The following TTC29 variants were observed in gnomAD, a reference collection of about 807,000 sequenced individuals.
TTC29 encodes tetratricopeptide repeat protein 29.
TTC29 carries 49 observed loss-of-function variants against 58.1 expected under a neutral mutation model. That is an observed-to-expected ratio of 0.84 (90% confidence interval 0.67 to 1.07). The LOEUF is 1.07. Among genes scored for constraint, TTC29 ranks in the 50% least tolerant of loss-of-function variants. The pLI is 0.00. For missense variants in TTC29, 582 were observed against 555.6 expected (o/e 1.05, Z -0.48); for synonymous variants, 209 against 196.8 (o/e 1.06, Z -0.52).
chr4:146,769,850 A>C (rs952131359), intron 11 of TTC29, among the ~76,000 whole-genome samples: 5 of 152,202 alleles, frequency 3.3e-5, no homozygotes, highest in Admixed American at 2.0e-4. Context: ...ATAGATGATA[A>C]CTGTAGTTAA....
chr4:146,783,952 A>G (rs1748812686), intron 11 of TTC29, among the ~76,000 whole-genome samples: 1 of 152,052 alleles, frequency 6.6e-6, no homozygotes, highest in South Asian at 2.1e-4. Flanking sequence ...TCTAACTGGA[A>G]ACCTAAGACT....
intron 11 of TTC29, among the ~76,000 whole-genome samples, chr4:146,780,086 T>C (rs1366852184): frequency 6.6e-6 from 1 of 152,152 alleles, no homozygotes; most frequent in Non-Finnish European, 1.5e-5. Flanking sequence ...TTTAAAAATA[T>C]TTTTACCTTT....
intron 11 of TTC29, among the ~76,000 whole-genome samples, chr4:146,788,880 T>A (rs1257628133): frequency 6.6e-6 from 1 of 152,068 alleles, no homozygotes; most frequent in Admixed American, 6.6e-5. Context: ...TTATTTTGGA[T>A]AAATTATGTG....
At chr4:146,816,816 A>T (rs1193731054) in intron 10 of TTC29, among the ~76,000 whole-genome samples, 1 of 152,192 alleles carries the variant, frequency 6.6e-6, no homozygotes. Context: ...ATTCAAATTA[A>T]TTTCAAACTC....
chr4:146,766,281 AC>A (rs1220326373), intron 11 of TTC29, among the ~76,000 whole-genome samples: 1 of 151,654 alleles, frequency 6.6e-6, no homozygotes, highest in Non-Finnish European at 1.5e-5. Flanking sequence ...ATGCTTCTGA[AC>A]AGGAGATCAT....
At chr4:146,822,498 G>A (rs1322844563) in intron 9 of TTC29, among the ~76,000 whole-genome samples, 1 of 152,140 alleles carries the variant, frequency 6.6e-6, no homozygotes, top group Non-Finnish European at 1.5e-5. Flanking sequence ...ATGGGCATTT[G>A]GGTTAGTTCC....
At chr4:146,786,205 C>T (rs893352260) in intron 11 of TTC29, among the ~76,000 whole-genome samples, 4 of 152,196 alleles carry the variant, frequency 2.6e-5, no homozygotes, top group African/African-American at 7.2e-5. Context: ...CTTTCTCTTC[C>T]TCCAGGGCAC....
At chr4:146,826,111 T>A (rs4835346) in intron 9 of TTC29, among the ~76,000 whole-genome samples, 22,530 of 152,072 alleles carry the variant, frequency 0.15, 1,822 homozygotes, top group African/African-American at 0.23. Flanking sequence ...CCACTTACAT[T>A]TAAGGTTAGT....
chr4:146,822,062 C>T (rs1046745681), intron 9 of TTC29, among the ~76,000 whole-genome samples: 19 of 149,054 alleles, frequency 1.3e-4, no homozygotes, highest in Admixed American at 2.7e-4. Context: ...AGACCGAACC[C>T]ACCTCTCAAC....
intron 10 of TTC29, among the ~76,000 whole-genome samples, chr4:146,815,428 A>C (rs1264380803): frequency 6.6e-6 from 1 of 152,198 alleles, no homozygotes; most frequent in East Asian, 1.9e-4. Flanking sequence ...AAGAGTAGAA[A>C]GGAGTGGGTT....
intron 11 of TTC29, among the ~76,000 whole-genome samples, chr4:146,740,959 C>T (rs550781494): frequency 6.6e-6 from 1 of 152,212 alleles, no homozygotes; most frequent in South Asian, 2.1e-4. Flanking sequence ...TGGGCTCAAA[C>T]AACCCTCCTA....
chr4:146,837,458 C>CTA (rs1003672599), intron 8 of TTC29, among the ~76,000 whole-genome samples: 2 of 151,980 alleles, frequency 1.3e-5, no homozygotes, highest in Admixed American at 1.3e-4. Context: ...ACAAGTCTAC[C>CTA]TATATAACAA....
chr4:146,860,989 T>C (rs2150199100), intron 8 of TTC29, among the ~76,000 whole-genome samples: 1 of 152,290 alleles, frequency 6.6e-6, no homozygotes, highest in Middle Eastern at 3.4e-3. Flanking sequence ...TAAAAGCAAA[T>C]GAAATATCAA....
chr4:146,881,303 T>C (rs1579900111), intron 6 of TTC29, among the ~76,000 whole-genome samples: 1 of 152,138 alleles, frequency 6.6e-6, no homozygotes, highest in South Asian at 2.1e-4. Context: ...TAAAAATAAT[T>C]TGACAGATCC....
intron 11 of TTC29, among the ~76,000 whole-genome samples, chr4:146,746,708 G>C (rs1745575452): frequency 6.6e-6 from 1 of 152,118 alleles, no homozygotes; most frequent in South Asian, 2.1e-4. Flanking sequence ...GTAGGGAACA[G>C]TTCCTCACTT....
intron 9 of TTC29, among the ~76,000 whole-genome samples, chr4:146,823,262 T>C (rs982624086): frequency 6.6e-6 from 1 of 152,242 alleles, no homozygotes; most frequent in African/African-American, 2.4e-5. Context: ...CTTTAATTCA[T>C]CTTGAGTTAG....
At chr4:146,943,269 T>A (rs1282747185) in intron 2 of TTC29, among the ~76,000 whole-genome samples, 1 of 148,678 alleles carries the variant, frequency 6.7e-6, no homozygotes, top group Non-Finnish European at 1.5e-5. Context: ...TCTCCTCTGA[T>A]CTGAGAACAT....
intron 11 of TTC29, among the ~76,000 whole-genome samples, chr4:146,796,423 A>G (rs762158036): frequency 5.9e-5 from 9 of 152,304 alleles, no homozygotes; most frequent in Middle Eastern, 3.4e-3. Flanking sequence ...CAAATGAGAA[A>G]CTTACACAAG....
At chr4:146,867,666 T>A in intron 7 of TTC29, 83 bp from the exon 8 acceptor site, 1 of 635,296 alleles carries the variant, frequency 1.6e-6, no homozygotes, top group Non-Finnish European at 2.6e-6. Flanking sequence ...TTCAAGACAG[T>A]AGAAAATTAT....
Sources: allele counts gnomAD v4.1 joint callset (sites outside exome capture counted in the v4.1 genomes callset), GRCh38; gene constraint gnomAD v4.1.1; transcripts MANE v1.5; gene names NCBI Gene and HGNC (gene_info 2026-07-23, HGNC 2026-07-21).